Variants in ASB11 observed in about 807,000 individuals in gnomAD.
The protein encoded by ASB11 is ankyrin repeat and SOCS box protein 11.
ASB11 carries 17 observed loss-of-function variants against 20.1 expected under a neutral mutation model. The ratio of observed to expected loss-of-function variants is 0.85; its 90% CI spans 0.58 to 1.27. The LOEUF (loss-of-function observed/expected upper bound fraction) is 1.27. ASB11 is among the 50% of genes most tolerant of loss of function. The probability of loss-of-function intolerance (pLI) is 0.00; values close to 1 mark genes in which losing one functional copy is unlikely to be tolerated. For synonymous variants in ASB11, 107 were observed against 105.6 expected (o/e 1.01, Z -0.08); for missense variants, 259 against 256.9 (o/e 1.01, Z -0.06).
intron 1 of ASB11, among the ~76,000 whole-genome samples, chrX:15,311,601 T>A (rs1921432757): frequency 8.9e-6 from 1 of 112,077 alleles, no homozygotes; most frequent in Admixed American, 9.5e-5. Context: ...CATCAACAAG[T>A]GATTTTAAGC....
At chrX:15,307,087 C>T (rs191193193) in intron 1 of ASB11, among the ~76,000 whole-genome samples, 107 of 112,627 alleles carry the variant, frequency 9.5e-4, no homozygotes, top group Non-Finnish European at 1.7e-3. Context: ...TAAGTGGCAA[C>T]TTGCAATTAA....
At chrX:15,303,858 G>A (rs1214758555) in intron 1 of ASB11, among the ~76,000 whole-genome samples, 3 of 112,510 alleles carry the variant, frequency 2.7e-5, no homozygotes, top group Admixed American at 1.9e-4. Context: ...CAGTAGAGCA[G>A]TGCCATAAGG....
Position 15,283,420 on chromosome X carries a change from G to C in ASB11, c.*85C>G. On this transcript the variant is annotated 3_prime_UTR_variant, in exon 7 of 7. Transcript: ENST00000480796. ...TCATTTAAAGATACTAGGAGTCTAA[G>C]CTGTTGAGCTTCTACATTAGGTACT... 9.0e-7 allele frequency: 1 copy of C among 1,116,020 alleles called. No individual in the cohort carries two copies. The highest frequency in any genetic ancestry group is 1.2e-6 in the Non-Finnish European group (1 of 811,777). 92.0% of individuals were successfully genotyped at this position (1,116,020 alleles called of 1,213,427 possible). A position where few individuals can be genotyped will look rare whatever the true frequency, so the allele number is the denominator to read the frequency against.
In ASB11 at chrX:15,283,629, C is replaced by T. The variant is rs770403508; in HGVS notation, c.848G>A (p.Gly283Asp). ...GCAGAGCTGGGAAAGAGCAGGTGGG[C>T]CTGAGAGAGAAATAAAAATGGTGTT... is the stretch of plus-strand genomic sequence containing the variant. ...SVEQALLLRE[G>D]PPALSQLCRL... The change falls in exon 7 of 7, where the codon GGC (glycine) becomes GAC (aspartate). Residue 283 changes from glycine (G) to aspartate (D), a missense_variant and splice_region_variant. Coordinates refer to ENST00000480796, the MANE Select transcript of ASB11 (RefSeq NM_080873.3). 6.6e-6 allele frequency: 8 copies of T among 1,207,007 alleles called. No homozygotes were observed. The highest frequency in any genetic ancestry group is 9.0e-6 in the Non-Finnish European group (8 of 893,213).
intron 1 of ASB11, among the ~76,000 whole-genome samples, chrX:15,303,577 G>A (rs1602195357): frequency 9.0e-6 from 1 of 111,384 alleles, no homozygotes; most frequent in African/African-American, 3.3e-5. Flanking sequence ...TCTCCCAAAA[G>A]TTTTTCCCTA....
chrX:15,300,920 G>C, intron 2 of ASB11, among the ~76,000 whole-genome samples: 1 of 111,552 alleles, frequency 9.0e-6, no homozygotes, highest in Non-Finnish European at 1.9e-5. Flanking sequence ...AGAGAGAAGA[G>C]GTGGGTGCAA....
At chrX:15,312,762 G>A (rs1205534919) in intron 1 of ASB11, among the ~76,000 whole-genome samples, 3 of 111,950 alleles carry the variant, frequency 2.7e-5, no homozygotes, top group Non-Finnish European at 5.6e-5. Context: ...AAGCAAAGGT[G>A]ATTTCTGGTT....
In ASB11 at chrX:15,309,878, G is replaced by A. The variant is rs779319818; in HGVS notation, c.181+5547C>T. Among the ~76,000 whole-genome samples the A allele has an allele frequency of 3.9e-5, 4 of 102,655 alleles. No homozygotes were observed. In the South Asian group the frequency reaches 1.9e-3, roughly 49 times the overall value. 89.1% of individuals were successfully genotyped at this position (102,655 alleles called of 115,157 possible). A position where few individuals can be genotyped will look rare whatever the true frequency, so the allele number is the denominator to read the frequency against. On this transcript the variant is annotated intron_variant, in intron 1 of 6. Coordinates refer to ENST00000480796, the MANE Select transcript of ASB11 (RefSeq NM_080873.3). ...AGCTACCTGGGAGGCTGAGGCAGGA[G>A]AATGGTGTGAACCCGAGAGACGGAG...
chrX:15,299,727 G>C (rs1161590598), intron 2 of ASB11, among the ~76,000 whole-genome samples: 1 of 111,013 alleles, frequency 9.0e-6, no homozygotes, highest in African/African-American at 3.3e-5. Context: ...GGTTGGAGAG[G>C]GGGTGCTTAG....
intron 2 of ASB11, among the ~76,000 whole-genome samples, chrX:15,302,466 T>C (rs1921099686): frequency 8.9e-6 from 1 of 111,846 alleles, no homozygotes; most frequent in African/African-American, 3.2e-5. Flanking sequence ...GCATTCTCTA[T>C]CATTCCTCAT....
rs767822616 is a variant in ASB11 at position 15,285,140 on chromosome X, C to CTT, written c.848-1513_848-1512dup. Among the ~76,000 whole-genome samples, 635 of 81,508 alleles carry CTT rather than the reference C, an allele frequency of 7.8e-3. 4 individuals are homozygous for CTT. Among genetic ancestry groups the CTT allele is most frequent in the African/African-American group, 0.024 (514 of 21,728 alleles). 70.8% of individuals were successfully genotyped at this position (81,508 alleles called of 115,157 possible). On this transcript the variant is annotated intron_variant, in intron 6 of 6. Coordinates refer to ENST00000480796, the MANE Select transcript of ASB11 (RefSeq NM_080873.3). ...CTGATGTAGTTGGTATTTAATCTTT[C>CTT]TTTTTTTTTTTTTTTTTTTTTGACA...
At chrX:15,294,281 A>T (rs1332851925) in intron 3 of ASB11, among the ~76,000 whole-genome samples, 4 of 111,967 alleles carry the variant, frequency 3.6e-5, no homozygotes, top group African/African-American at 1.3e-4. Context: ...GATGTGAAAC[A>T]ATTTTGCTTC....
At chrX:15,300,644 G>GA (rs1239296771) in intron 2 of ASB11, among the ~76,000 whole-genome samples, 1 of 111,661 alleles carries the variant, frequency 9.0e-6, no homozygotes, top group Non-Finnish European at 1.9e-5. Context: ...GACATGAGAG[G>GA]AAAAACTGGT....
intron 1 of ASB11, among the ~76,000 whole-genome samples, chrX:15,308,402 C>G (rs962011655): frequency 1.8e-5 from 2 of 111,481 alleles, no homozygotes; most frequent in Non-Finnish European, 3.8e-5. Flanking sequence ...CTGGGCTTCT[C>G]CCTCACCACA....
At chrX:15,284,791 A>C (rs1927327063) in intron 6 of ASB11, among the ~76,000 whole-genome samples, 1 of 112,218 alleles carries the variant, frequency 8.9e-6, no homozygotes, top group African/African-American at 3.2e-5. Context: ...GACTGTTATC[A>C]GTAAAGATCT....
At chrX:15,299,373 T>C (rs1395055533) in intron 2 of ASB11, among the ~76,000 whole-genome samples, 1 of 111,738 alleles carries the variant, frequency 8.9e-6, no homozygotes, top group Non-Finnish European at 1.9e-5. Context: ...GGCCTGGGGC[T>C]CCAGATTATA....
chrX:15,288,030 T>C lies in ASB11; in HGVS notation c.698A>G (p.His233Arg). 1 of 1,211,399 alleles carries C rather than the reference T, an allele frequency of 8.3e-7. No homozygotes were observed. Among genetic ancestry groups the C allele is most frequent in the Non-Finnish European group, 1.1e-6 (1 of 895,307 alleles). ...DHGQWLDTPLHAAARQSNVEV... is the reference protein window; with the variant it reads ...DHGQWLDTPLRAAARQSNVEV... ...CACATTGGACTGCCTCGCTGCAGCA[T>C]GGAGTGGGGTGTCCAGCCACTGGCC... Residue 233 changes from histidine to arginine, a missense_variant, in exon 6 of 7, where the codon CAT (histidine) becomes CGT (arginine). Coordinates refer to ENST00000480796, the MANE Select transcript of ASB11 (RefSeq NM_080873.3).
intron 2 of ASB11, among the ~76,000 whole-genome samples, chrX:15,301,037 C>T (rs1296970308): frequency 9.0e-6 from 1 of 111,515 alleles, no homozygotes; most frequent in Non-Finnish European, 1.9e-5. Context: ...TCTCGGTTCA[C>T]TGCAACCTCC....
intron 6 of ASB11, among the ~76,000 whole-genome samples, chrX:15,285,548 T>C (rs1423649122): frequency 1.8e-5 from 2 of 111,845 alleles, no homozygotes; most frequent in East Asian, 5.6e-4. Flanking sequence ...AGAAACATTT[T>C]TGATGGAAGA....
Sources: allele counts gnomAD v4.1 joint callset (sites outside exome capture counted in the v4.1 genomes callset), GRCh38; gene constraint gnomAD v4.1.1; transcripts MANE v1.5; gene names NCBI Gene and HGNC (gene_info 2026-07-23, HGNC 2026-07-21).